Variants in ZNF678 observed in about 807,000 individuals in gnomAD.
ZNF678 encodes zinc finger protein 678, also known as hypothetical protein MGC42493.
In ZNF678, 5 loss-of-function variants were observed where a neutral mutation model predicts 3.0. The ratio of observed to expected loss-of-function variants is 1.69; its 90% confidence interval spans 0.88 to 3.56. ZNF678 has a LOEUF of 3.56. Ranked by LOEUF, ZNF678 falls within the 30% of genes most tolerant of loss-of-function variation. The pLI, the probability that ZNF678 is intolerant of heterozygous loss-of-function variation, is 0.00. For missense variants in ZNF678, 593 were observed against 605.0 expected, an observed-to-expected ratio of 0.98 and a Z score of 0.21; for synonymous variants, 218 against 199.6, an observed-to-expected ratio of 1.09 and a Z score of -0.78.
At chr1:227,569,936 C>A (rs77614742) in intron 1 of ZNF678, among the ~76,000 whole-genome samples, 24 of 147,596 alleles carry the variant, frequency 1.6e-4, no homozygotes, top group Admixed American at 2.7e-4. Flanking sequence ...TAAAGATCTT[C>A]ATCTTTTGGG....
rs143962019 is a variant in ZNF678, at chr1:227,566,587, G to A, written c.-164+2863G>A. On this transcript the variant is annotated intron_variant, in intron 1 of 3. Coordinates refer to ENST00000343776, the MANE Select transcript of ZNF678 (RefSeq NM_001367909.1). ...AAATTATAGGATAGCCTGACTTGAC[G>A]CTTGAGTCGGATGTGTCTGTGTTCC... is the stretch of plus-strand genomic sequence containing the variant. 6.3e-4 allele frequency among the ~76,000 whole-genome samples: 96 copies of A among 152,312 alleles called. 1 individual carries two copies. The East Asian group carries it at 0.017, about 27-fold the overall frequency.
At chr1:227,644,902 C>G (rs182641663) in intron 1 of ZNF678, among the ~76,000 whole-genome samples, 1 of 152,232 alleles carries the variant, frequency 6.6e-6, no homozygotes, top group Admixed American at 6.5e-5. Context: ...AGGTCAGGGT[C>G]AAGCATGAGG....
chr1:227,585,772 TC>T (rs34135766), intron 1 of ZNF678, among the ~76,000 whole-genome samples: 1 of 140,586 alleles, frequency 7.1e-6, no homozygotes, highest in African/African-American at 2.6e-5. Flanking sequence ...TGAGATTCAG[TC>T]CCCCCAAAAA....
chr1:227,639,017 G>A (rs930137609), intron 1 of ZNF678, among the ~76,000 whole-genome samples: 3 of 152,180 alleles, frequency 2.0e-5, no homozygotes, highest in Admixed American at 6.5e-5. Flanking sequence ...CCAGGGCACC[G>A]TCAGTCTTCA....
At chr1:227,646,484 AAT>A in intron 1 of ZNF678, 58 bp from the exon 2 acceptor site, 1 of 1,337,192 alleles carries the variant, frequency 7.5e-7, no homozygotes, top group Non-Finnish European at 9.9e-7. Flanking sequence ...GTTGGAGTCA[AAT>A]TAAGAACTCT....
chr1:227,577,714 T>G (rs1489113628), intron 1 of ZNF678, among the ~76,000 whole-genome samples: 1 of 152,218 alleles, frequency 6.6e-6, no homozygotes, highest in East Asian at 1.9e-4. Flanking sequence ...GTCTTTTTAT[T>G]GGGGCATTTA....
chr1:227,624,822 A>G (rs777344909), intron 1 of ZNF678, among the ~76,000 whole-genome samples: 8 of 152,200 alleles, frequency 5.3e-5, no homozygotes, highest in Non-Finnish European at 7.3e-5. Flanking sequence ...TCAGAAGTGC[A>G]GCAGACACCC....
chr1:227,648,982 G>A (rs1184145014), intron 2 of ZNF678, among the ~76,000 whole-genome samples: 1 of 152,108 alleles, frequency 6.6e-6, no homozygotes, highest in African/African-American at 2.4e-5. Flanking sequence ...TTGGTGTCTG[G>A]TTTATTTTAC....
At chr1:227,605,851 T>C (rs1468489684) in intron 1 of ZNF678, among the ~76,000 whole-genome samples, 1 of 152,226 alleles carries the variant, frequency 6.6e-6, no homozygotes, top group African/African-American at 2.4e-5. Flanking sequence ...AGTGTACTTA[T>C]AAAACACACA....
At chr1:227,664,823 A>G (rs1659475008), downstream of ZNF678, among the ~76,000 whole-genome samples, 1 of 151,576 alleles carries the variant, frequency 6.6e-6, no homozygotes, top group African/African-American at 2.4e-5. Flanking sequence ...GACCTACCCA[A>G]AGGCCCTGGT....
intron 1 of ZNF678, among the ~76,000 whole-genome samples, chr1:227,604,241 C>T (rs1036735509): frequency 1.3e-5 from 2 of 152,156 alleles, no homozygotes; most frequent in African/African-American, 2.4e-5. Context: ...TTAAACATTT[C>T]GAGAAACTAC....
intron 5 of ZNF678, among the ~76,000 whole-genome samples, chr1:227,674,274 C>G (rs1659646688): frequency 6.6e-6 from 1 of 152,160 alleles, no homozygotes; most frequent in Non-Finnish European, 1.5e-5. Flanking sequence ...GAAATCTTTC[C>G]CAGCAAACTT....
At chr1:227,609,336 G>A (rs1657957782) in intron 1 of ZNF678, among the ~76,000 whole-genome samples, 1 of 152,168 alleles carries the variant, frequency 6.6e-6, no homozygotes, top group Non-Finnish European at 1.5e-5. Context: ...ACAATGCACA[G>A]GCAAAACATA....
intron 1 of ZNF678, among the ~76,000 whole-genome samples, chr1:227,592,238 A>G (rs1657435743): frequency 6.6e-6 from 1 of 152,218 alleles, no homozygotes; most frequent in Non-Finnish European, 1.5e-5. Context: ...TTAGTCTAGC[A>G]TTTGTCAGCT....
At chr1:227,671,128 G>A (rs1410391531) in intron 5 of ZNF678, among the ~76,000 whole-genome samples, 6 of 144,150 alleles carry the variant, frequency 4.2e-5, no homozygotes, top group African/African-American at 1.6e-4. Context: ...TCAGACTGGA[G>A]TGCGGTGGTG....
At chr1:227,590,564 A>G (rs1558134956) in intron 1 of ZNF678, among the ~76,000 whole-genome samples, 1 of 151,778 alleles carries the variant, frequency 6.6e-6, no homozygotes, top group Non-Finnish European at 1.5e-5. Context: ...GAGGCCGTTT[A>G]TCATCTTTTT....
intron 1 of ZNF678, among the ~76,000 whole-genome samples, chr1:227,584,372 A>G (rs1657206879): frequency 6.6e-6 from 1 of 152,188 alleles, no homozygotes; most frequent in Non-Finnish European, 1.5e-5. Flanking sequence ...CTCTCAAACC[A>G]TTAATATTTA....
intron 1 of ZNF678, among the ~76,000 whole-genome samples, chr1:227,613,773 C>A (rs1658079822): frequency 6.6e-6 from 1 of 152,158 alleles, no homozygotes; most frequent in Admixed American, 6.5e-5. Context: ...GTACTGGGAG[C>A]CTTCCTGTTG....
chr1:227,641,193 G>A (rs1323247705), intron 1 of ZNF678, among the ~76,000 whole-genome samples: 2 of 152,160 alleles, frequency 1.3e-5, no homozygotes, highest in Non-Finnish European at 2.9e-5. Flanking sequence ...GTCCACAGGT[G>A]CAGATCTGAG....
Sources: gnomAD v4.1 joint callset for allele counts (sites outside exome capture counted in the v4.1 genomes callset) on GRCh38, gnomAD v4.1.1 for gene constraint, MANE v1.5 for transcripts, NCBI Gene and HGNC (gene_info 2026-07-23, HGNC 2026-07-21) for gene names.